Variants in RWDD4 observed in about 807,000 individuals in gnomAD.
The protein encoded by RWDD4 is RWD domain containing 4, also known as RWD domain-containing protein 4.
Under a neutral mutation model 30.0 loss-of-function variants are expected in RWDD4, and 16 were observed. The ratio of observed to expected loss-of-function variants is 0.53; its 90% CI spans 0.36 to 0.81. The LOEUF is 0.81. Ranked by LOEUF, RWDD4 falls within the 30% of genes least tolerant of loss-of-function variation. RWDD4 has a pLI of 0.00. For synonymous variants in RWDD4, 45 were observed against 72.1 expected (o/e 0.62, Z 1.90); for missense variants, 170 against 223.9 (o/e 0.76, Z 1.54).
intron 7 of RWDD4, among the ~76,000 whole-genome samples, chr4:183,643,905 C>T (rs545981243): frequency 2.0e-5 from 3 of 152,186 alleles, no homozygotes; most frequent in African/African-American, 4.8e-5. Flanking sequence ...GCAACAAGTG[C>T]GAAACTCCGT....
intron 2 of RWDD4, chr4:183,653,684 G>A (rs769942022): frequency 1.3e-5 from 2 of 152,110 alleles, no homozygotes; most frequent in African/African-American, 2.4e-5. Flanking sequence ...ACCTGGATAA[G>A]GATTATCTGC....
rs1180100734 is a variant in RWDD4 at position 183,641,336 on chromosome 4, T to C, written c.*100A>G. Reference sequence around the variant, plus strand: ...TAAGAAACATACAAAAAATTGTGTTTTATAAAAAGTCGCCTCAATACCAGA... The same window carrying C: ...TAAGAAACATACAAAAAATTGTGTTCTATAAAAAGTCGCCTCAATACCAGA... On this transcript the variant is annotated 3_prime_UTR_variant, in exon 8 of 8. Transcript: ENST00000326397. The C allele has an allele frequency of 6.3e-6, 6 of 954,538 alleles. No homozygotes were observed. The highest frequency in any genetic ancestry group is 9.9e-6 in the Non-Finnish European group (6 of 603,192). The allele number at this position is 954,538 out of a possible 1,614,324, so 59.1% of individuals were successfully genotyped here.
In RWDD4 at chr4:183,654,226, A is replaced by T. The variant is rs531995702; in HGVS notation, c.105+1655T>A. Among the ~76,000 whole-genome samples the T allele has an allele frequency of 2.0e-5, 3 of 152,226 alleles. No individual in the cohort carries two copies. In the South Asian group the frequency reaches 6.2e-4, roughly 31 times the overall value. ...GAAGGATTTGGAGTGTCAAGTGAAAAAATTTCGTCCTCATTTTATAGGCAA... is the reference window on the plus strand; with the variant it reads ...GAAGGATTTGGAGTGTCAAGTGAAATAATTTCGTCCTCATTTTATAGGCAA... On this transcript the variant is annotated intron_variant, in intron 2 of 7. Transcript: ENST00000326397.
intron 7 of RWDD4, among the ~76,000 whole-genome samples, chr4:183,643,872 C>T (rs993773168): frequency 2.6e-5 from 4 of 152,052 alleles, no homozygotes; most frequent in Non-Finnish European, 5.9e-5. Context: ...GAGCCAAGAT[C>T]GCACCACTGC....
chr4:183,646,049 G>A (rs141084431), intron 7 of RWDD4, among the ~76,000 whole-genome samples: 2,601 of 152,128 alleles, frequency 0.017, 33 homozygotes, highest in Non-Finnish European at 0.029. Flanking sequence ...GACTACAGGC[G>A]TGCGCCACCA....
rs1380055261 is a variant in RWDD4 at position 183,658,979 on chromosome 4, G to A, written c.-27C>T. The A allele has an allele frequency of 4.7e-6, 6 of 1,270,604 alleles. No homozygotes were observed. Among genetic ancestry groups the A allele is most frequent in the East Asian group, 2.9e-5 (1 of 34,466 alleles). 78.7% of individuals were successfully genotyped at this position (1,270,604 alleles called of 1,614,324 possible). On this transcript the variant is annotated 5_prime_UTR_variant, in exon 1 of 8. Coordinates refer to ENST00000326397, the MANE Select transcript of RWDD4 (RefSeq NM_152682.4). ...GCGCCGGTCGCGGGGCGCCTCCTGA[G>A]CGGACGGCGTTCGCAACAACGAAGA...
At chr4:183,643,914 G>A (rs983825519) in intron 7 of RWDD4, among the ~76,000 whole-genome samples, 16 of 152,078 alleles carry the variant, frequency 1.1e-4, no homozygotes, top group East Asian at 3.9e-4. Context: ...GCGAAACTCC[G>A]TCTCAAAAAC....
intron 1 of RWDD4, 134 bp from the exon 2 acceptor site, chr4:183,656,095 C>A: frequency 1.6e-6 from 1 of 609,282 alleles, no homozygotes. Flanking sequence ...ATACTTACCA[C>A]ATAGGTGCAT....
At chr4:183,644,784 A>G (rs1217416581) in intron 7 of RWDD4, among the ~76,000 whole-genome samples, 1 of 148,780 alleles carries the variant, frequency 6.7e-6, no homozygotes, top group Non-Finnish European at 1.5e-5. Flanking sequence ...CTTCAAAAAA[A>G]AAAAGAAAAG....
chr4:183,658,860 G>A (rs1278706537), intron 1 of RWDD4, 69 bp downstream of exon 1: 40 of 1,201,314 alleles, frequency 3.3e-5, no homozygotes, highest in Non-Finnish European at 4.2e-5. Context: ...CCGGGCACCA[G>A]GTCTCACGGG....
chr4:183,647,308 G>A (rs1733982290), intron 5 of RWDD4, among the ~76,000 whole-genome samples: 1 of 152,114 alleles, frequency 6.6e-6, no homozygotes, highest in Non-Finnish European at 1.5e-5. Context: ...TACATTATAT[G>A]AATTTTCCAG....
intron 2 of RWDD4, among the ~76,000 whole-genome samples, chr4:183,652,290 A>G (rs565688669): frequency 6.6e-6 from 1 of 151,708 alleles, no homozygotes; most frequent in African/African-American, 2.4e-5. Flanking sequence ...TTGAGGGATC[A>G]TGGACTGCAC....
In RWDD4 at chr4:183,659,081, C is replaced by T; in HGVS notation, c.-129G>A. Reference sequence around the variant, plus strand: ...CTGTGGGGGCGGCACAGTCTTGGCACTGGCAGACGCCAACTGCGCGCGCCC... The same window carrying T: ...CTGTGGGGGCGGCACAGTCTTGGCATTGGCAGACGCCAACTGCGCGCGCCC... On this transcript the variant is annotated 5_prime_UTR_variant, in exon 1 of 8. It adds an upstream start codon to the 5' untranslated region. Coordinates refer to ENST00000326397, the MANE Select transcript of RWDD4 (RefSeq NM_152682.4). 1 of 658,810 alleles carries T rather than the reference C, an allele frequency of 1.5e-6. No homozygotes were observed. 40.8% of individuals were successfully genotyped at this position (658,810 alleles called of 1,614,324 possible).
intron 7 of RWDD4, among the ~76,000 whole-genome samples, chr4:183,643,415 CAAAAAAAAAAAAAAA>C (rs56730708): frequency 8.8e-4 from 20 of 22,660 alleles, no homozygotes; most frequent in Admixed American, 2.3e-3. Flanking sequence ...GACTCTATCT[CAAAAAAAAAAAAAAA>C]AAAAAAAAAA....
chr4:183,653,030 C>T lies in RWDD4; in HGVS notation c.106-1703G>A, dbSNP rs77899150. Among the ~76,000 whole-genome samples the T allele has an allele frequency of 3.5e-3, 536 of 152,210 alleles. 1 individual carries two copies. Among genetic ancestry groups the T allele is most frequent in the African/African-American group, 0.012 (510 of 41,530 alleles). On this transcript the variant is annotated intron_variant, in intron 2 of 7. Coordinates refer to ENST00000326397, the MANE Select transcript of RWDD4 (RefSeq NM_152682.4). ...GGCATGAGCCACTGTGACTGGCTTCCCCTGCCTTTTAAGCCAAAAAGAATA... is the reference window on the plus strand; with the variant it reads ...GGCATGAGCCACTGTGACTGGCTTCTCCTGCCTTTTAAGCCAAAAAGAATA...
At chr4:183,648,909 C>T (rs1002172522) in intron 5 of RWDD4, among the ~76,000 whole-genome samples, 2 of 151,624 alleles carry the variant, frequency 1.3e-5, no homozygotes, top group Non-Finnish European at 2.9e-5. Flanking sequence ...TGCAGTGGCA[C>T]AGTCTCGGCT....
chr4:183,649,622 C>A (rs1485906143), intron 4 of RWDD4, 54 bp from the exon 5 acceptor site: 1 of 871,672 alleles, frequency 1.1e-6, no homozygotes, highest in East Asian at 2.5e-5. Context: ...TTGTGTTACA[C>A]TAAATACAGC....
At chr4:183,658,864 T>C in intron 1 of RWDD4, 65 bp downstream of exon 1, 1 of 1,213,566 alleles carries the variant, frequency 8.2e-7, no homozygotes. Flanking sequence ...GCACCAGGTC[T>C]CACGGGGGCC....
intron 7 of RWDD4, 128 bp from the exon 8 acceptor site, chr4:183,641,596 A>C (rs1172084116): frequency 1.4e-6 from 1 of 715,892 alleles, no homozygotes; most frequent in Non-Finnish European, 2.5e-6. Flanking sequence ...TTTTTACCAC[A>C]TGTAGCTACT....
Sources: allele counts gnomAD v4.1 joint callset (sites outside exome capture counted in the v4.1 genomes callset), GRCh38; gene constraint gnomAD v4.1.1; transcripts MANE v1.5; gene names NCBI Gene and HGNC (gene_info 2026-07-23, HGNC 2026-07-21).